Variants in ZFR observed in about 807,000 individuals in gnomAD.
ZFR encodes zinc finger RNA binding protein, also known as zinc finger RNA-binding protein.
A neutral mutation model predicts 130.7 loss-of-function variants in ZFR; 19 were observed. The ratio of observed to expected loss-of-function variants is 0.15; its 90% CI spans 0.10 to 0.21. ZFR has a LOEUF of 0.21. Among genes scored for constraint, ZFR ranks in the 10% least tolerant of loss-of-function variants. The pLI, the probability that ZFR is intolerant of heterozygous loss-of-function variation, is 1.00. For synonymous variants in ZFR, 466 were observed against 456.9 expected (o/e 1.02, Z -0.25); for missense variants, 872 against 1,321.5 (o/e 0.66, Z 5.27).
chr5:32,406,188 C>T (rs1397316897), intron 6 of ZFR, among the ~76,000 whole-genome samples: 2 of 151,962 alleles, frequency 1.3e-5, no homozygotes, highest in Non-Finnish European at 2.9e-5. Context: ...AATACAATAC[C>T]GAAAAAGGAA....
intron 2 of ZFR, among the ~76,000 whole-genome samples, chr5:32,427,944 C>T (rs1754113077): frequency 6.6e-6 from 1 of 151,986 alleles, no homozygotes; most frequent in African/African-American, 2.4e-5. Context: ...CTTCACCTTA[C>T]AAAATATACA....
chr5:32,380,021 C>A (rs1228875502), intron 16 of ZFR, 54 bp downstream of exon 16: 1 of 1,453,002 alleles, frequency 6.9e-7, no homozygotes, highest in Non-Finnish European at 9.7e-7. Context: ...ACATGTTGTA[C>A]TGAACTACTT....
At chr5:32,399,422 C>T (rs1753393688) in intron 9 of ZFR, among the ~76,000 whole-genome samples, 1 of 152,318 alleles carries the variant, frequency 6.6e-6, no homozygotes, top group East Asian at 1.9e-4. Context: ...GCTCAAAAAA[C>T]ATATATGCTC....
chr5:32,395,954 T>C (rs578214710), intron 10 of ZFR, among the ~76,000 whole-genome samples: 16 of 152,204 alleles, frequency 1.1e-4, no homozygotes, highest in Non-Finnish European at 2.4e-4. Context: ...TCAAAAGTTA[T>C]AAGCAGCCTG....
At chr5:32,431,769 A>G (rs1189494472) in intron 2 of ZFR, among the ~76,000 whole-genome samples, 2 of 53,584 alleles carry the variant, frequency 3.7e-5, no homozygotes, top group East Asian at 3.7e-4. Flanking sequence ...TATAACATTG[A>G]AAAAAAAAAA....
chr5:32,438,253 A>T (rs2910896), intron 2 of ZFR, among the ~76,000 whole-genome samples: 4,276 of 60,942 alleles, frequency 0.07, 776 homozygotes, highest in African/African-American at 0.13. Context: ...TTATCTGAAA[A>T]TTTTTTTTTT....
intron 2 of ZFR, among the ~76,000 whole-genome samples, chr5:32,430,757 A>G (rs1754191385): frequency 1.3e-5 from 2 of 152,190 alleles, no homozygotes; most frequent in Admixed American, 1.3e-4. Context: ...AATCAAAGAT[A>G]TTTTAAGATG....
At chr5:32,406,740 T>C in intron 6 of ZFR, 34 bp downstream of exon 6, 3 of 1,586,918 alleles carry the variant, frequency 1.9e-6, no homozygotes, top group Non-Finnish European at 2.6e-6. Flanking sequence ...TAATAACCAC[T>C]GAAGACTCAA....
At chr5:32,399,949 G>C (rs1333771458) in intron 9 of ZFR, 58 bp downstream of exon 9, 10 of 1,415,298 alleles carry the variant, frequency 7.1e-6, no homozygotes, top group Admixed American at 2.2e-5. Context: ...ACATATGCTC[G>C]TAATGCACTT....
In ZFR at chr5:32,390,445, A is replaced by G; in HGVS notation, c.1980-8T>C. 6.2e-7 allele frequency: 1 copy of G among 1,609,740 alleles called. No homozygotes were observed. The highest frequency in any genetic ancestry group is 8.5e-7 in the Non-Finnish European group (1 of 1,176,482). On this transcript the variant is annotated splice_region_variant and splice_polypyrimidine_tract_variant and intron_variant, in intron 11 of 19. Transcript: ENST00000265069. ...ATGTCCTCTTCATAACGTCTGAAAC[A>G]TAAAGAATGACATTATAAGCATATG...
chr5:32,388,377 CAG>C, intron 13 of ZFR, 90 bp downstream of exon 13: 2 of 1,206,634 alleles, frequency 1.7e-6, no homozygotes, highest in Non-Finnish European at 2.3e-6. Flanking sequence ...GAACTCACAC[CAG>C]AGTTACCAGT....
chr5:32,385,936 T>C (rs143076669), intron 14 of ZFR, among the ~76,000 whole-genome samples: 238 of 152,246 alleles, frequency 1.6e-3, no homozygotes, highest in African/African-American at 5.4e-3. Flanking sequence ...AAAGAAACAC[T>C]GCCATATTTA....
chr5:32,377,937 C>T (rs1411516952), intron 17 of ZFR, among the ~76,000 whole-genome samples: 2 of 152,164 alleles, frequency 1.3e-5, no homozygotes, highest in African/African-American at 4.8e-5. Context: ...GTGATCCGCC[C>T]GCCTCGGCCT....
intron 11 of ZFR, among the ~76,000 whole-genome samples, chr5:32,393,365 C>T (rs570834281): frequency 5.6e-5 from 8 of 144,108 alleles, no homozygotes; most frequent in African/African-American, 1.3e-4. Context: ...TTTTTTGAGA[C>T]GGAGTTTTGT....
At chr5:32,377,659 G>A (rs1464154690) in intron 17 of ZFR, among the ~76,000 whole-genome samples, 6 of 152,010 alleles carry the variant, frequency 3.9e-5, no homozygotes, top group Non-Finnish European at 8.8e-5. Context: ...CAACCATTAT[G>A]CAATTAAAGA....
Position 32,411,688 on chromosome 5 carries a change from CA to C in ZFR, c.784+3280del, listed in dbSNP as rs1159367724. On this transcript the variant is annotated intron_variant, in intron 5 of 19. Coordinates refer to ENST00000265069, the MANE Select transcript of ZFR (RefSeq NM_016107.5). The stretch of plus-strand genomic sequence containing the variant: ...TGGGCAACAGAGTGAGATGCTGTCT[CA>C]AAAAAAAAAAAAAAAATTGAGGGGG... Among the ~76,000 whole-genome samples the C allele has an allele frequency of 2.6e-3, 42 of 16,254 alleles. 1 individual carries two copies. The highest frequency in any genetic ancestry group is 7.6e-3 in the East Asian group (5 of 654). The allele number at this position is 16,254 out of a possible 152,430, so 10.7% of individuals were successfully genotyped here. A position where few individuals can be genotyped will look rare whatever the true frequency, so the allele number is the denominator to read the frequency against.
chr5:32,362,653 C>G (rs866582817), intron 19 of ZFR, among the ~76,000 whole-genome samples: 1 of 152,190 alleles, frequency 6.6e-6, no homozygotes, highest in Non-Finnish European at 1.5e-5. Flanking sequence ...TTCTTCCTAT[C>G]CTTAAACACT....
chr5:32,361,832 T>G (rs1752441641), intron 19 of ZFR, among the ~76,000 whole-genome samples: 1 of 152,104 alleles, frequency 6.6e-6, no homozygotes, highest in African/African-American at 2.4e-5. Flanking sequence ...CACGTTGGTC[T>G]CAAACTCCTG....
intron 2 of ZFR, among the ~76,000 whole-genome samples, chr5:32,435,154 A>G (rs1754306806): frequency 6.6e-6 from 1 of 152,096 alleles, no homozygotes; most frequent in South Asian, 2.1e-4. Context: ...CAAGGAATCC[A>G]CCCACATCAG....
Sources: allele counts gnomAD v4.1 joint callset (sites outside exome capture counted in the v4.1 genomes callset), GRCh38; gene constraint gnomAD v4.1.1; transcripts MANE v1.5; gene names NCBI Gene and HGNC (gene_info 2026-07-23, HGNC 2026-07-21).